CCDC178: variants seen among roughly 807,000 people sequenced by gnomAD.
CCDC178 encodes the protein coiled-coil domain containing 178, also known as coiled-coil domain-containing protein 178.
A neutral mutation model predicts 117.4 loss-of-function variants in CCDC178; 126 were observed. That is an observed-to-expected ratio of 1.07 (90% CI 0.93 to 1.24). The LOEUF is 1.24. CCDC178 is among the 50% of genes most tolerant of loss of function. The pLI is 0.00. For missense variants in CCDC178, 1,030 were observed against 986.9 expected (o/e 1.04, Z -0.59); for synonymous variants, 283 against 313.4 (o/e 0.90, Z 1.02).
intron 15 of CCDC178, among the ~76,000 whole-genome samples, chr18:33,231,286 A>G (rs8088235): frequency 6.6e-6 from 1 of 152,192 alleles, no homozygotes; most frequent in African/African-American, 2.4e-5. Flanking sequence ...TATTGAGAAA[A>G]ATCCTGCAAA....
intron 22 of CCDC178, among the ~76,000 whole-genome samples, chr18:32,942,694 CT>C (rs928615491): frequency 6.6e-5 from 10 of 151,252 alleles, no homozygotes; most frequent in African/African-American, 2.2e-4. Context: ...GTTTTTTATT[CT>C]TTTTTTTTAA....
At chr18:33,414,536 T>C (rs567164790) in intron 2 of CCDC178, among the ~76,000 whole-genome samples, 3 of 152,148 alleles carry the variant, frequency 2.0e-5, no homozygotes, top group Non-Finnish European at 2.9e-5. Flanking sequence ...TTACACCTTA[T>C]ACAAAAATTA....
chr18:33,413,417 G>A (rs1216489191), intron 2 of CCDC178, among the ~76,000 whole-genome samples: 1 of 151,726 alleles, frequency 6.6e-6, no homozygotes, highest in Admixed American at 6.6e-5. Context: ...ATTCAATGAA[G>A]ATTATAGTTA....
At chr18:33,341,995 A>C (rs183282790) in intron 9 of CCDC178, among the ~76,000 whole-genome samples, 427 of 152,292 alleles carry the variant, frequency 2.8e-3, no homozygotes, top group African/African-American at 9.7e-3. Flanking sequence ...CTCTAACTTG[A>C]AACTTAAGAA....
intron 2 of CCDC178, among the ~76,000 whole-genome samples, chr18:33,432,746 A>T (rs1428780568): frequency 1.3e-5 from 2 of 152,030 alleles, no homozygotes; most frequent in Non-Finnish European, 2.9e-5. Flanking sequence ...CGTCAGAAAT[A>T]TTTTTTTTAA....
At chr18:33,432,958 A>G (rs115570584) in intron 2 of CCDC178, among the ~76,000 whole-genome samples, 22 of 152,312 alleles carry the variant, frequency 1.4e-4, no homozygotes, top group African/African-American at 5.1e-4. Flanking sequence ...GATATTATCA[A>G]CTATTCTGAG....
chr18:33,430,506 A>C (rs1274343664), intron 2 of CCDC178, among the ~76,000 whole-genome samples: 1 of 151,854 alleles, frequency 6.6e-6, no homozygotes, highest in Non-Finnish European at 1.5e-5. Context: ...GTAGATCTTG[A>C]CCTTAAAATC....
intron 18 of CCDC178, among the ~76,000 whole-genome samples, chr18:33,216,244 A>G (rs574002771): frequency 6.6e-5 from 10 of 152,236 alleles, no homozygotes; most frequent in African/African-American, 2.2e-4. Flanking sequence ...TCATTTCAAG[A>G]TGCAAACATG....
At chr18:32,989,008 G>A (rs952105461) in intron 21 of CCDC178, among the ~76,000 whole-genome samples, 21 of 152,070 alleles carry the variant, frequency 1.4e-4, no homozygotes, top group African/African-American at 3.1e-4. Context: ...GGCTCTGAAA[G>A]TTTTATAGGA....
At chr18:33,050,082 A>G (rs1017104436) in intron 21 of CCDC178, among the ~76,000 whole-genome samples, 3 of 152,078 alleles carry the variant, frequency 2.0e-5, no homozygotes, top group Non-Finnish European at 4.4e-5. Context: ...CTCCATCTCA[A>G]AAATAAATAA....
At chr18:33,261,860 C>T (rs1184923605) in intron 14 of CCDC178, among the ~76,000 whole-genome samples, 1 of 152,002 alleles carries the variant, frequency 6.6e-6, no homozygotes, top group African/African-American at 2.4e-5. Flanking sequence ...TGACATATCT[C>T]TCTATTCATT....
chr18:33,079,168 C>T (rs556664305), intron 21 of CCDC178, among the ~76,000 whole-genome samples: 71 of 152,206 alleles, frequency 4.7e-4, no homozygotes, highest in Admixed American at 1.5e-3. Context: ...CCAAAACATG[C>T]AATGCAGAAA....
At position 33,157,989 on chromosome 18, in the gene CCDC178, C is replaced by T. The variant is rs1048068289; in HGVS notation, c.2238+53907G>A. Among the ~76,000 whole-genome samples the T allele has an allele frequency of 2.6e-5, 4 of 152,202 alleles. No homozygotes were observed. In the East Asian group the frequency reaches 7.7e-4, roughly 29 times the overall value. On this transcript the variant is annotated intron_variant, in intron 20 of 22. Coordinates refer to ENST00000383096, the MANE Select transcript of CCDC178 (RefSeq NM_001105528.4). ...TTTCTTTTCCACTGGATTTGGAATG[C>T]TCACTTATCTGAGGGTTTGTTCTTA...
chr18:33,376,780 T>C (rs1190252537), intron 5 of CCDC178, among the ~76,000 whole-genome samples: 1 of 152,212 alleles, frequency 6.6e-6, no homozygotes, highest in African/African-American at 2.4e-5. Context: ...GATAACTTGA[T>C]TTCATTCTTT....
chr18:32,951,117 C>T (rs1402054058), intron 22 of CCDC178, among the ~76,000 whole-genome samples: 2 of 152,122 alleles, frequency 1.3e-5, no homozygotes, highest in African/African-American at 2.4e-5. Flanking sequence ...ACAATCTATT[C>T]ATTAATTTAT....
At chr18:33,319,592 T>C (rs1568143224) in intron 11 of CCDC178, among the ~76,000 whole-genome samples, 1 of 152,164 alleles carries the variant, frequency 6.6e-6, no homozygotes, top group African/African-American at 2.4e-5. Flanking sequence ...GTATTTCTAG[T>C]TCTAGATCCT....
intron 12 of CCDC178, among the ~76,000 whole-genome samples, chr18:33,283,497 A>C (rs1254825741): frequency 6.6e-6 from 1 of 152,182 alleles, no homozygotes; most frequent in Non-Finnish European, 1.5e-5. Context: ...AATGGGAGAA[A>C]ATTTTTGCAA....
At chr18:33,045,818 G>A (rs1477865623) in intron 21 of CCDC178, among the ~76,000 whole-genome samples, 5 of 152,144 alleles carry the variant, frequency 3.3e-5, no homozygotes, top group Non-Finnish European at 1.5e-5. Context: ...TGTAATCCCA[G>A]CACTTTGGGA....
At chr18:33,047,443 AC>A (rs1254998754) in intron 21 of CCDC178, among the ~76,000 whole-genome samples, 1 of 152,312 alleles carries the variant, frequency 6.6e-6, no homozygotes. Context: ...CAACTATGAA[AC>A]AATCAGCTTC....
Sources: allele counts gnomAD v4.1 joint callset (sites outside exome capture counted in the v4.1 genomes callset), GRCh38; gene constraint gnomAD v4.1.1; transcripts MANE v1.5; gene names NCBI Gene and HGNC (gene_info 2026-07-23, HGNC 2026-07-21).